The following GPC6 variants were observed in gnomAD, a reference collection of about 807,000 sequenced individuals.
The protein encoded by GPC6 is glypican-6.
GPC6 carries 14 observed loss-of-function variants against 55.2 expected under a neutral mutation model. The ratio of observed to expected loss-of-function variants is 0.25; its 90% confidence interval spans 0.17 to 0.40. The LOEUF is 0.40. GPC6 is among the 10% of genes least tolerant of loss of function. The pLI, the probability that GPC6 is intolerant of heterozygous loss-of-function variation, is 1.00. For missense variants in GPC6, 641 were observed against 708.5 expected (o/e 0.90, Z 1.08); for synonymous variants, 278 against 259.6 (o/e 1.07, Z -0.68).
chr13:93,540,895 AG>A (rs749131490), intron 1 of GPC6, among the ~76,000 whole-genome samples: 16 of 152,084 alleles, frequency 1.1e-4, no homozygotes, highest in Non-Finnish European at 1.3e-4. Flanking sequence ...TCAACTTCCA[AG>A]AGATCCTTTT....
At chr13:94,072,731 T>C (rs1204688539) in intron 4 of GPC6, among the ~76,000 whole-genome samples, 3 of 152,224 alleles carry the variant, frequency 2.0e-5, no homozygotes, top group Admixed American at 6.5e-5. Flanking sequence ...CACCAGTTCC[T>C]GTTCTCAAGA....
At chr13:93,685,892 T>C (rs1018891695) in intron 2 of GPC6, among the ~76,000 whole-genome samples, 17 of 152,180 alleles carry the variant, frequency 1.1e-4, no homozygotes, top group Non-Finnish European at 1.9e-4. Context: ...TTTTTCAGAT[T>C]ATGAATTTTG....
chr13:93,483,509 A>G (rs932213046), intron 1 of GPC6, among the ~76,000 whole-genome samples: 1 of 152,148 alleles, frequency 6.6e-6, no homozygotes, highest in Non-Finnish European at 1.5e-5. Context: ...TCAGTCATCT[A>G]TTCAATTATA....
intron 2 of GPC6, among the ~76,000 whole-genome samples, chr13:93,828,807 A>G (rs546317878): frequency 5.5e-4 from 84 of 152,304 alleles, no homozygotes; most frequent in South Asian, 1.0e-3. Flanking sequence ...TAAAACATTT[A>G]TCATTATTAT....
chr13:93,597,162 A>G (rs978680025), intron 2 of GPC6, among the ~76,000 whole-genome samples: 4 of 152,118 alleles, frequency 2.6e-5, no homozygotes, highest in Non-Finnish European at 5.9e-5. Flanking sequence ...TACTCAATCT[A>G]TTCCTTCAAA....
chr13:94,204,574 C>A (rs986824965), intron 4 of GPC6, among the ~76,000 whole-genome samples: 4 of 152,126 alleles, frequency 2.6e-5, no homozygotes, highest in Non-Finnish European at 5.9e-5. Context: ...TCTTTTATGG[C>A]TCTGTGAAAT....
chr13:94,379,304 A>T (rs1880050426), intron 6 of GPC6, among the ~76,000 whole-genome samples: 1 of 152,190 alleles, frequency 6.6e-6, no homozygotes, highest in African/African-American at 2.4e-5. Context: ...CACCGTCTGC[A>T]GGTGAATTGG....
chr13:93,735,142 A>G (rs1235203364), intron 2 of GPC6, among the ~76,000 whole-genome samples: 2 of 152,174 alleles, frequency 1.3e-5, no homozygotes, highest in African/African-American at 4.8e-5. Context: ...TCCAATATAA[A>G]GGAAAAACAA....
intron 3 of GPC6, among the ~76,000 whole-genome samples, chr13:93,873,041 G>A (rs1343888516): frequency 1.3e-5 from 2 of 149,800 alleles, no homozygotes; most frequent in African/African-American, 4.9e-5. Context: ...ACAAAATGTA[G>A]AAAAAAATCC....
rs116293603 is a variant in GPC6, at chr13:93,780,582, C to T, written c.320-49572C>T. ...TTAACCTTAATGACTTTATGGTTCA[C>T]GATCACAAAAATACACACACACACA... On this transcript the variant is annotated intron_variant, in intron 2 of 8. Transcript: ENST00000377047. 8.7e-3 allele frequency among the ~76,000 whole-genome samples: 1,222 copies of T among 140,312 alleles called. 17 individuals carry two copies. The highest frequency in any genetic ancestry group is 0.031 in the African/African-American group (1,155 of 37,196). The allele number at this position is 140,312 out of a possible 152,430, so 92.1% of individuals were successfully genotyped here.
intron 1 of GPC6, among the ~76,000 whole-genome samples, chr13:93,444,661 A>C (rs1235031087): frequency 6.6e-6 from 1 of 152,206 alleles, no homozygotes; most frequent in Non-Finnish European, 1.5e-5. Flanking sequence ...AAGCAAACAA[A>C]GAAATATGTT....
intron 1 of GPC6, among the ~76,000 whole-genome samples, chr13:93,516,062 C>T (rs953788419): frequency 3.3e-5 from 5 of 152,150 alleles, no homozygotes; most frequent in Non-Finnish European, 5.9e-5. Context: ...TTGGTGAAAG[C>T]TCTTTCAGAA....
chr13:93,347,284 T>C (rs1347549492), intron 1 of GPC6, among the ~76,000 whole-genome samples: 6 of 152,162 alleles, frequency 3.9e-5, no homozygotes, highest in African/African-American at 1.4e-4. Context: ...CATGACTGGG[T>C]CAGAAAGAAA....
At chr13:93,587,071 A>G (rs1489370824) in intron 2 of GPC6, among the ~76,000 whole-genome samples, 1 of 152,174 alleles carries the variant, frequency 6.6e-6, no homozygotes, top group Non-Finnish European at 1.5e-5. Context: ...TAGACAAGTG[A>G]TTTAAATTGC....
In GPC6 at chr13:94,403,250, T is replaced by C. The variant is rs1159812608; in HGVS notation, c.*33T>C. On this transcript the variant is annotated 3_prime_UTR_variant, in exon 9 of 9. Transcript: ENST00000377047. ...TTTTTGGTCAGATGAAACTGCATTT[T>C]AGCTATCTGAATGGCCAACTCACTT... The C allele has an allele frequency of 1.4e-6, 2 of 1,455,616 alleles. No homozygotes were observed. The highest frequency in any genetic ancestry group is 2.3e-5 in the East Asian group (1 of 44,138). The allele number at this position is 1,455,616 out of a possible 1,614,324, so 90.2% of individuals were successfully genotyped here.
chr13:93,967,939 T>G (rs1302571331), intron 3 of GPC6, among the ~76,000 whole-genome samples: 1 of 152,158 alleles, frequency 6.6e-6, no homozygotes, highest in Non-Finnish European at 1.5e-5. Context: ...CATAATCTAA[T>G]AGGTAATCCC....
Position 94,013,099 on chromosome 13 carries a change from A to T in GPC6, c.712-14630A>T, listed in dbSNP as rs923779879. ...GGTACAGCAAGGTAAAATTTAAATG[A>T]TGTGTTCGACTGGGTAAACATATTA... On this transcript the variant is annotated intron_variant, in intron 3 of 8. Coordinates refer to ENST00000377047, the MANE Select transcript of GPC6 (RefSeq NM_005708.5). 1.4e-4 allele frequency among the ~76,000 whole-genome samples: 21 copies of T among 152,232 alleles called. 1 individual carries two copies. The highest frequency in any genetic ancestry group is 1.2e-3 in the Admixed American group (19 of 15,300).
intron 2 of GPC6, among the ~76,000 whole-genome samples, chr13:93,593,272 A>T (rs1029752596): frequency 6.6e-6 from 1 of 152,120 alleles, no homozygotes; most frequent in Non-Finnish European, 1.5e-5. Flanking sequence ...ATTTACGAAA[A>T]TGGAAGCTAA....
Position 93,616,837 on chromosome 13 carries a change from T to C in GPC6, c.319+71416T>C, listed in dbSNP as rs1024665797. Among the ~76,000 whole-genome samples the C allele has an allele frequency of 3.2e-4, 48 of 152,126 alleles. 1 individual carries two copies. Among genetic ancestry groups the C allele is most frequent in the Admixed American group, 4.6e-4 (7 of 15,262 alleles). Reference sequence around the variant, plus strand: ...CAACACCATTGACGTGCTCCTTTTTTTTGAATTATAAGTAATGATTAACTT... The same window carrying C: ...CAACACCATTGACGTGCTCCTTTTTCTTGAATTATAAGTAATGATTAACTT... On this transcript the variant is annotated intron_variant, in intron 2 of 8. Coordinates refer to ENST00000377047, the MANE Select transcript of GPC6 (RefSeq NM_005708.5).
Sources: gnomAD v4.1 joint callset for allele counts (sites outside exome capture counted in the v4.1 genomes callset) on GRCh38, gnomAD v4.1.1 for gene constraint, MANE v1.5 for transcripts, NCBI Gene and HGNC (gene_info 2026-07-23, HGNC 2026-07-21) for gene names.